The following UGT2A2 variants were observed in gnomAD, a reference collection of about 807,000 sequenced individuals.
UGT2A2 encodes the protein UDP-glucuronosyltransferase 2A2.
UGT2A2 carries 60 observed loss-of-function variants against 50.7 expected under a neutral mutation model. The observed-to-expected ratio is 1.18, with a 90% CI of 0.96 to 1.47. UGT2A2 has a LOEUF of 1.47. Ranked by LOEUF, UGT2A2 falls within the 40% of genes most tolerant of loss-of-function variation. The pLI is 0.00. For synonymous variants in UGT2A2, 242 were observed against 214.6 expected (o/e 1.13, Z -1.11); for missense variants, 762 against 634.0 (o/e 1.20, Z -2.17).
intron 1 of UGT2A2, among the ~76,000 whole-genome samples, chr4:69,611,788 T>C (rs112607992): frequency 1.3e-5 from 2 of 152,262 alleles, no homozygotes; most frequent in African/African-American, 4.8e-5. Context: ...TAGTAAAACT[T>C]GAATGGTTCA....
At chr4:69,592,736 T>C (rs1384967647) in intron 5 of UGT2A2, among the ~76,000 whole-genome samples, 1 of 151,906 alleles carries the variant, frequency 6.6e-6, no homozygotes. Flanking sequence ...TACTTTATCA[T>C]AGGGAAGACT....
At chr4:69,597,166 C>T (rs144748337) in intron 2 of UGT2A2, among the ~76,000 whole-genome samples, 54 of 152,184 alleles carry the variant, frequency 3.5e-4, no homozygotes, top group African/African-American at 1.3e-3. Flanking sequence ...CTGTATGCCT[C>T]CTTTGATTCA....
Position 69,602,401 on chromosome 4 carries a change from A to C in UGT2A2, c.743-3007T>G, listed in dbSNP as rs1305652706. Among the ~76,000 whole-genome samples, 5 of 137,534 alleles carry C rather than the reference A, an allele frequency of 3.6e-5. 1 individual carries two copies. The highest frequency in any genetic ancestry group is 1.5e-4 in the African/African-American group (5 of 34,212). The allele number at this position is 137,534 out of a possible 152,430, so 90.2% of individuals were successfully genotyped here. A position where few individuals can be genotyped will look rare whatever the true frequency, so the allele number is the denominator to read the frequency against. ...TATGTACTAATGACAACTTTAATTC[A>C]ACAATACTTTACTGCAGTTAAACAA... is the stretch of plus-strand genomic sequence containing the variant. On this transcript the variant is annotated intron_variant, in intron 1 of 5. Transcript: ENST00000604629.
intron 1 of UGT2A2, among the ~76,000 whole-genome samples, chr4:69,626,093 T>A (rs971393262): frequency 6.6e-6 from 1 of 151,590 alleles, no homozygotes; most frequent in Non-Finnish European, 1.5e-5. Context: ...CATATATTTA[T>A]GCTTTGTTAA....
intron 1 of UGT2A2, among the ~76,000 whole-genome samples, chr4:69,619,968 A>G (rs1325234942): frequency 1.3e-5 from 2 of 152,046 alleles, no homozygotes; most frequent in Non-Finnish European, 2.9e-5. Context: ...TAAACTAAGC[A>G]TTGAAGAAAC....
intron 1 of UGT2A2, among the ~76,000 whole-genome samples, chr4:69,611,611 A>G (rs1325101211): frequency 6.6e-6 from 1 of 152,154 alleles, no homozygotes; most frequent in East Asian, 1.9e-4. Context: ...TGAGAAAACG[A>G]AGGTCTAACA....
chr4:69,627,427 A>G (rs1421437024), intron 1 of UGT2A2, among the ~76,000 whole-genome samples: 1 of 151,680 alleles, frequency 6.6e-6, no homozygotes, highest in East Asian at 1.9e-4. Context: ...AAAATTCCAA[A>G]TAAGAAATAT....
At chr4:69,616,229 A>G (rs1377749495) in intron 1 of UGT2A2, among the ~76,000 whole-genome samples, 1 of 151,938 alleles carries the variant, frequency 6.6e-6, no homozygotes, top group Non-Finnish European at 1.5e-5. Flanking sequence ...AGAGGCTGGG[A>G]AAGGTCTTGG....
At chr4:69,634,614 AC>A (rs1721574778) in intron 1 of UGT2A2, among the ~76,000 whole-genome samples, 1 of 152,208 alleles carries the variant, frequency 6.6e-6, no homozygotes. Context: ...TGATTTAACA[AC>A]TGATAATCAC....
In UGT2A2 at chr4:69,623,623, TCA is replaced by T. The variant is rs536379903; in HGVS notation, c.742+15274_742+15275del. Among the ~76,000 whole-genome samples the T allele has an allele frequency of 3.6e-4, 55 of 151,570 alleles. 2 individuals carry two copies. In the South Asian group the frequency reaches 0.011, roughly 30 times the overall value. ...ATACAACAGATGCAAAGAATTGAAG[TCA>T]CAGTTTTAAAGAGCAAATGAGCAGC... On this transcript the variant is annotated intron_variant, in intron 1 of 5. Coordinates refer to ENST00000604629, the MANE Select transcript of UGT2A2 (RefSeq NM_001105677.2).
intron 1 of UGT2A2, among the ~76,000 whole-genome samples, chr4:69,616,298 A>C (rs1389202111): frequency 1.3e-5 from 2 of 151,990 alleles, no homozygotes; most frequent in African/African-American, 4.8e-5. Flanking sequence ...AGTTAGAATG[A>C]AAAAATCTAG....
At chr4:69,620,358 C>T (rs1397186220) in intron 1 of UGT2A2, among the ~76,000 whole-genome samples, 1 of 132,758 alleles carries the variant, frequency 7.5e-6, no homozygotes, top group East Asian at 1.9e-4. Context: ...AGAACCAAAT[C>T]AGGAAGGCAA....
At chr4:69,621,896 T>C (rs1720777872) in intron 1 of UGT2A2, among the ~76,000 whole-genome samples, 1 of 151,776 alleles carries the variant, frequency 6.6e-6, no homozygotes, top group Admixed American at 6.6e-5. Flanking sequence ...CTTAGCAAAC[T>C]AATGCAGACA....
At chr4:69,599,689 TAAAG>T (rs199964645) in intron 1 of UGT2A2, 26,334 of 210,814 alleles carry the variant, frequency 0.12, 2,335 homozygotes, top group Non-Finnish European at 0.16. Context: ...GAGGTAGAAA[TAAAG>T]AAAGAGAGAG....
At chr4:69,634,802 A>G (rs983600984) in intron 1 of UGT2A2, among the ~76,000 whole-genome samples, 25 of 152,332 alleles carry the variant, frequency 1.6e-4, no homozygotes, top group Non-Finnish European at 2.9e-4. Context: ...AGCCTACAGC[A>G]AACATCACCC....
chr4:69,634,966 A>T (rs1313369114), intron 1 of UGT2A2, among the ~76,000 whole-genome samples: 1 of 152,108 alleles, frequency 6.6e-6, no homozygotes, highest in African/African-American at 2.4e-5. Context: ...CATTAGTTCT[A>T]AGAATCCATC....
chr4:69,639,264 G>C lies in UGT2A2; in HGVS notation c.377C>G (p.Thr126Ser). 6.2e-7 allele frequency: 1 copy of C among 1,613,698 alleles called. No homozygotes were observed. The highest frequency in any genetic ancestry group is 8.5e-7 in the Non-Finnish European group (1 of 1,179,740). ...FYKELGKLLD[T>S]FFQINIQLCD... ...GAGTTGTATGTTAATTTGAAAGAAAGTGTCTAGAAGTTTTCCTAGTTCTTT... is the reference window on the plus strand; with the variant it reads ...GAGTTGTATGTTAATTTGAAAGAAACTGTCTAGAAGTTTTCCTAGTTCTTT... Residue 126 changes from threonine to serine, a missense_variant, in exon 1 of 6, where the codon ACT becomes AGT. By Grantham distance (58) the Thr-to-Ser change is moderately conservative (BLOSUM62 1). Transcript: ENST00000604629.
At position 69,605,617 on chromosome 4, in the gene UGT2A2, A is replaced by C. The variant is rs998400251; in HGVS notation, c.743-6223T>G. On this transcript the variant is annotated intron_variant, in intron 1 of 5. Coordinates refer to ENST00000604629, the MANE Select transcript of UGT2A2 (RefSeq NM_001105677.2). The stretch of plus-strand genomic sequence containing the variant: ...TAGAGACACAAAAAACCCTTTAAAA[A>C]ATCAATGAATCCAGGAGCTGGTTTT... Among the ~76,000 whole-genome samples the C allele has an allele frequency of 3.7e-5, 5 of 136,790 alleles. 1 individual carries two copies. In the South Asian group the frequency reaches 1.2e-3, roughly 33 times the overall value. The allele number at this position is 136,790 out of a possible 152,430, so 89.7% of individuals were successfully genotyped here. A position where few individuals can be genotyped will look rare whatever the true frequency, so the allele number is the denominator to read the frequency against.
At chr4:69,624,036 C>A (rs1560484938) in intron 1 of UGT2A2, among the ~76,000 whole-genome samples, 1 of 151,520 alleles carries the variant, frequency 6.6e-6, no homozygotes, top group Non-Finnish European at 1.5e-5. Flanking sequence ...GTTATTTCCT[C>A]ATTTATTTTC....
Sources: allele counts gnomAD v4.1 joint callset (sites outside exome capture counted in the v4.1 genomes callset), GRCh38; gene constraint gnomAD v4.1.1; transcripts MANE v1.5; gene names NCBI Gene and HGNC (gene_info 2026-07-23, HGNC 2026-07-21).